Variants in SYNPO2 observed in about 807,000 individuals in gnomAD.
SYNPO2 encodes the protein synaptopodin-2.
SYNPO2 carries 56 observed loss-of-function variants against 85.0 expected under a neutral mutation model. That is an observed-to-expected ratio of 0.66 (90% CI 0.53 to 0.82). The LOEUF (loss-of-function observed/expected upper bound fraction) is 0.82. Among genes scored for constraint, SYNPO2 ranks in the 40% least tolerant of loss-of-function variants. SYNPO2 has a pLI of 0.00. For synonymous variants in SYNPO2, 602 were observed against 591.1 expected, an observed-to-expected ratio of 1.02 and a Z score of -0.27; for missense variants, 1,575 against 1,534.2, an observed-to-expected ratio of 1.03 and a Z score of -0.44.
At chr4:118,852,110 C>A (rs545689982) in intron 1 of SYNPO2, among the ~76,000 whole-genome samples, 6 of 151,706 alleles carry the variant, frequency 4.0e-5, no homozygotes, top group Non-Finnish European at 8.8e-5. Flanking sequence ...ATTGATTTGC[C>A]GTATAAAAAA....
intron 1 of SYNPO2, among the ~76,000 whole-genome samples, chr4:118,961,375 C>T (rs988811080): frequency 4.6e-5 from 7 of 152,136 alleles, no homozygotes; most frequent in African/African-American, 1.2e-4. Context: ...TGTCCAGACA[C>T]GCTGGCTTTT....
At chr4:119,009,913 T>G (rs1207473957) in intron 1 of SYNPO2, among the ~76,000 whole-genome samples, 1 of 152,232 alleles carries the variant, frequency 6.6e-6, no homozygotes, top group African/African-American at 2.4e-5. Context: ...GGTTGGGGGC[T>G]GAGATTCTGT....
At chr4:118,864,923 T>C (rs1279270664) in intron 1 of SYNPO2, among the ~76,000 whole-genome samples, 3 of 152,218 alleles carry the variant, frequency 2.0e-5, no homozygotes, top group Non-Finnish European at 4.4e-5. Flanking sequence ...ATTATATATA[T>C]TTCTATTTAT....
At chr4:119,011,488 A>G (rs1253298684) in intron 1 of SYNPO2, among the ~76,000 whole-genome samples, 3 of 152,186 alleles carry the variant, frequency 2.0e-5, no homozygotes, top group African/African-American at 4.8e-5. Context: ...GGGAAGACTC[A>G]GGTATCTCTG....
At chr4:118,981,046 C>G (rs1735988117) in intron 1 of SYNPO2, among the ~76,000 whole-genome samples, 1 of 152,246 alleles carries the variant, frequency 6.6e-6, no homozygotes, top group South Asian at 2.1e-4. Context: ...AGATAAAGCA[C>G]TCTTTCCTGC....
intron 4 of SYNPO2, among the ~76,000 whole-genome samples, chr4:119,039,862 C>G (rs993590977): frequency 6.6e-6 from 1 of 152,054 alleles, no homozygotes; most frequent in Non-Finnish European, 1.5e-5. Context: ...AAATGAACTT[C>G]ACATACTATT....
chr4:119,045,519 C>T (rs1406639598), intron 4 of SYNPO2, among the ~76,000 whole-genome samples: 1 of 152,136 alleles, frequency 6.6e-6, no homozygotes, highest in Non-Finnish European at 1.5e-5. Flanking sequence ...GATCAACATT[C>T]TTTGTTTATT....
chr4:118,937,752 G>T (rs910252620), intron 1 of SYNPO2, among the ~76,000 whole-genome samples: 2 of 152,156 alleles, frequency 1.3e-5, no homozygotes, highest in African/African-American at 4.8e-5. Context: ...ATACTAGAGT[G>T]CCTGGCACAT....
chr4:118,965,825 G>A (rs1347397953), intron 1 of SYNPO2, among the ~76,000 whole-genome samples: 3 of 152,084 alleles, frequency 2.0e-5, no homozygotes, highest in Admixed American at 6.5e-5. Flanking sequence ...GCTCACATCT[G>A]TAATCTCAGC....
chr4:119,036,138 A>T, intron 4 of SYNPO2: 3 of 985,432 alleles, frequency 3.0e-6, no homozygotes, highest in South Asian at 4.7e-5. Context: ...TTGCTATTTG[A>T]TGAGTCACAA....
intron 1 of SYNPO2, among the ~76,000 whole-genome samples, chr4:118,861,831 T>C (rs1456466301): frequency 1.3e-5 from 2 of 152,208 alleles, no homozygotes; most frequent in Admixed American, 6.5e-5. Context: ...TCTGGGTCTT[T>C]TGTGGTTCCA....
At chr4:118,951,335 A>C (rs554142609) in intron 1 of SYNPO2, among the ~76,000 whole-genome samples, 21 of 152,220 alleles carry the variant, frequency 1.4e-4, no homozygotes, top group Admixed American at 6.5e-4. Flanking sequence ...TATGGGATGG[A>C]AAGGGAGAAC....
chr4:119,046,939 C>T (rs1738888527), intron 4 of SYNPO2, among the ~76,000 whole-genome samples: 1 of 152,190 alleles, frequency 6.6e-6, no homozygotes, highest in South Asian at 2.1e-4. Flanking sequence ...AAAATTTAAT[C>T]TAAAAGTTAA....
chr4:118,877,995 G>A (rs970521425), intron 1 of SYNPO2, among the ~76,000 whole-genome samples: 1 of 152,046 alleles, frequency 6.6e-6, no homozygotes, highest in Non-Finnish European at 1.5e-5. Flanking sequence ...TAAAAAATAT[G>A]GTACATATAG....
intron 1 of SYNPO2, among the ~76,000 whole-genome samples, chr4:118,932,690 T>C (rs1733972085): frequency 6.6e-6 from 1 of 152,208 alleles, no homozygotes; most frequent in South Asian, 2.1e-4. Flanking sequence ...AGAACACCTG[T>C]GTAAGAATTT....
intron 1 of SYNPO2, among the ~76,000 whole-genome samples, chr4:118,965,324 C>T (rs1020323409): frequency 9.2e-5 from 14 of 152,130 alleles, no homozygotes; most frequent in African/African-American, 3.1e-4. Flanking sequence ...TGCTTTACCC[C>T]ACACAGCAGC....
At chr4:118,869,617 G>A (rs1731765944) in intron 1 of SYNPO2, among the ~76,000 whole-genome samples, 1 of 152,114 alleles carries the variant, frequency 6.6e-6, no homozygotes, top group Admixed American at 6.6e-5. Flanking sequence ...AAGTTCAAGA[G>A]ATTCCTCTAC....
At chr4:118,942,330 T>C (rs1378303281) in intron 1 of SYNPO2, among the ~76,000 whole-genome samples, 1 of 152,234 alleles carries the variant, frequency 6.6e-6, no homozygotes, top group African/African-American at 2.4e-5. Flanking sequence ...GACATCTGTC[T>C]ATCTTGTTCA....
At position 119,031,571 on chromosome 4, in the gene SYNPO2, T is replaced by C; in HGVS notation, c.2796T>C (p.Ser932=). ...CCTATAATCCTATCCACTCGCCGTC[T>C]TACCCACTGGCTGCTCTCAAGTCTC... ...PVAYNPIHSP[S]YPLAALKSQP... Residue 932 remains serine (S), a synonymous_variant, in exon 4 of 5, where the codon TCT becomes TCC. Transcript: ENST00000307142. 6.2e-7 allele frequency: 1 copy of C among 1,614,132 alleles called. No individual in the cohort carries two copies. The highest frequency in any genetic ancestry group is 8.5e-7 in the Non-Finnish European group (1 of 1,180,028).
Sources: gnomAD v4.1 joint callset for allele counts (sites outside exome capture counted in the v4.1 genomes callset) on GRCh38, gnomAD v4.1.1 for gene constraint, MANE v1.5 for transcripts, NCBI Gene and HGNC (gene_info 2026-07-23, HGNC 2026-07-21) for gene names.